The following SPATA9 variants were observed in gnomAD, a reference collection of about 807,000 sequenced individuals.
SPATA9 encodes spermatogenesis-associated protein 9.
Under a neutral mutation model 25.5 loss-of-function variants are expected in SPATA9, and 27 were observed. The ratio of observed to expected loss-of-function variants is 1.06; its 90% CI spans 0.78 to 1.46. The LOEUF (loss-of-function observed/expected upper bound fraction) is 1.46. Among genes scored for constraint, SPATA9 ranks in the 40% most tolerant of loss-of-function variants. SPATA9 has a pLI of 0.00. For missense variants in SPATA9, 282 were observed against 297.5 expected, an observed-to-expected ratio of 0.95 and a Z score of 0.38; for synonymous variants, 102 against 105.7, an observed-to-expected ratio of 0.97 and a Z score of 0.21.
At chr5:95,731,915 G>A in the SPATA9 span, 8 of 1,613,976 alleles carry the variant, frequency 5.0e-6, no homozygotes, top group Admixed American at 1.7e-5. Context: ...CAGGACAACC[G>A]GCCGTCGGGG....
chr5:95,695,772 G>A (rs168850), intron 1 of SPATA9, among the ~76,000 whole-genome samples: 86,423 of 152,012 alleles, frequency 0.57, 24,744 homozygotes, highest in East Asian at 0.8. Flanking sequence ...AGATAGCCCA[G>A]TGATCCCTGC....
At chr5:95,707,784 C>T in the SPATA9 span, among the ~76,000 whole-genome samples, 1 of 152,006 alleles carries the variant, frequency 6.6e-6, no homozygotes, top group South Asian at 2.1e-4. Context: ...GTCTGGCTCT[C>T]TTAGCTAAGG....
Position 95,658,593 on chromosome 5 carries a change from C to A in SPATA9, c.*30G>T. On this transcript the variant is annotated 3_prime_UTR_variant, in exon 5 of 5. Transcript: ENST00000274432. ...ATGAAATGTGCCATTAAATAGATAA[C>A]TCTTAAGTTCTGTTCAGTGATACCT... 1 of 1,578,606 alleles carries A rather than the reference C, an allele frequency of 6.3e-7. No homozygotes were observed.
chr5:95,660,029 G>C (rs1047294921), intron 4 of SPATA9, among the ~76,000 whole-genome samples: 1 of 152,108 alleles, frequency 6.6e-6, no homozygotes, highest in East Asian at 1.9e-4. Context: ...AGAAGAAAAA[G>C]AGGGAAAGAC....
At chr5:95,652,387 TCTCG>T, downstream of SPATA9, 1 of 1,539,050 alleles carries the variant, frequency 6.5e-7, no homozygotes, top group Non-Finnish European at 8.8e-7. Flanking sequence ...CTCTAGAAAT[TCTCG>T]ACTTTAGTCT....
At chr5:95,653,844 G>C (rs1750522962), downstream of SPATA9, among the ~76,000 whole-genome samples, 1 of 152,196 alleles carries the variant, frequency 6.6e-6, no homozygotes, top group African/African-American at 2.4e-5. Flanking sequence ...GTTGCAGTGA[G>C]CTGAGATCGT....
downstream of SPATA9, chr5:95,656,465 A>G (rs1750769191): frequency 5.0e-6 from 3 of 605,664 alleles, no homozygotes; most frequent in Non-Finnish European, 8.7e-6. Flanking sequence ...CATACTTAGT[A>G]TGATGTAAGG....
chr5:95,654,353 T>C (rs755159232), downstream of SPATA9: 2 of 1,605,162 alleles, frequency 1.2e-6, no homozygotes, highest in African/African-American at 2.7e-5. Context: ...ACCTTTACAT[T>C]TGGGAGATAT....
upstream of SPATA9, among the ~76,000 whole-genome samples, chr5:95,684,063 A>G (rs1341737920): frequency 6.6e-6 from 1 of 152,094 alleles, no homozygotes. Flanking sequence ...TGGTGTTCTT[A>G]GTCCACAATC....
chr5:95,687,239 T>C (rs1753772148), upstream of SPATA9, among the ~76,000 whole-genome samples: 1 of 152,214 alleles, frequency 6.6e-6, no homozygotes, highest in Non-Finnish European at 1.5e-5. Context: ...TTGTAGAGAC[T>C]TGAAGTTTTG....
At chr5:95,671,412 C>CT (rs796500383) in intron 3 of SPATA9, among the ~76,000 whole-genome samples, 315 of 151,788 alleles carry the variant, frequency 2.1e-3, no homozygotes, top group African/African-American at 6.8e-3. Context: ...TTTTCAATAA[C>CT]TTTTTTTTTG....
At chr5:95,676,996 T>G (rs1016271744) in intron 2 of SPATA9, among the ~76,000 whole-genome samples, 1 of 152,236 alleles carries the variant, frequency 6.6e-6, no homozygotes, top group Non-Finnish European at 1.5e-5. Flanking sequence ...GCACTAGCTA[T>G]GCCATTTGAT....
chr5:95,679,651 A>AC (rs1468705608), intron 2 of SPATA9, among the ~76,000 whole-genome samples: 2 of 152,090 alleles, frequency 1.3e-5, no homozygotes, highest in Non-Finnish European at 2.9e-5. Context: ...ACTAAGGCCA[A>AC]CCTTCCAAGT....
intron 2 of SPATA9, among the ~76,000 whole-genome samples, chr5:95,680,141 G>A (rs1346494005): frequency 6.6e-6 from 1 of 152,126 alleles, no homozygotes; most frequent in Non-Finnish European, 1.5e-5. Flanking sequence ...CTTGTGATCC[G>A]CCTGCCTCGG....
the SPATA9 span, among the ~76,000 whole-genome samples, chr5:95,710,605 C>T: frequency 3.7e-4 from 57 of 152,254 alleles, no homozygotes; most frequent in African/African-American, 1.2e-3. Context: ...TTTAGCAACT[C>T]CCTGGCTTTC....
chr5:95,713,575 T>C, the SPATA9 span: 1 of 152,318 alleles, frequency 6.6e-6, no homozygotes, highest in East Asian at 1.9e-4. Flanking sequence ...CAGAATCCTG[T>C]ACAGCCTGCA....
the SPATA9 span, among the ~76,000 whole-genome samples, chr5:95,724,508 A>T: frequency 1.3e-5 from 2 of 152,214 alleles, no homozygotes; most frequent in African/African-American, 4.8e-5. Flanking sequence ...ATAATGAAGG[A>T]GTTAGTTTCA....
intron 3 of SPATA9, among the ~76,000 whole-genome samples, chr5:95,666,712 G>C (rs1751842303): frequency 6.9e-6 from 1 of 144,948 alleles, no homozygotes; most frequent in Non-Finnish European, 1.5e-5. Context: ...GCAAGGGTGA[G>C]AATTAGTGAC....
In SPATA9 at chr5:95,682,486, A is replaced by T. The variant is rs781698810; in HGVS notation, c.150+42T>A. ...ATGGGTATGATACTAAAAATAGAAT[A>T]TATTTTTTCTATTCCTTTTAAAGGT... On this transcript the variant is annotated intron_variant, in intron 2 of 4. Coordinates refer to ENST00000274432, the MANE Select transcript of SPATA9 (RefSeq NM_031952.4). 14 of 1,325,840 alleles carry T rather than the reference A, an allele frequency of 1.1e-5. No individual in the cohort carries two copies. The South Asian group carries it at 1.8e-4, about 17-fold the overall frequency. 82.1% of individuals were successfully genotyped at this position (1,325,840 alleles called of 1,614,324 possible).
Sources: gnomAD v4.1 joint callset for allele counts (sites outside exome capture counted in the v4.1 genomes callset) on GRCh38, gnomAD v4.1.1 for gene constraint, MANE v1.5 for transcripts, NCBI Gene and HGNC (gene_info 2026-07-23, HGNC 2026-07-21) for gene names.